Variants in UTRN observed in about 807,000 individuals in gnomAD.
UTRN encodes dystrophin-related protein 1.
A neutral mutation model predicts 463.9 loss-of-function variants in UTRN; 283 were observed. That is an observed-to-expected ratio of 0.61 (90% CI 0.55 to 0.67). The LOEUF is 0.67. Among genes scored for constraint, UTRN ranks in the 30% least tolerant of loss-of-function variants. UTRN has a pLI of 0.00. For synonymous variants in UTRN, 1,442 were observed against 1,431.5 expected, an observed-to-expected ratio of 1.01 and a Z score of -0.17; for missense variants, 3,922 against 4,084.3, an observed-to-expected ratio of 0.96 and a Z score of 1.08.
chr6:144,360,745 A>G (rs905940243), intron 2 of UTRN, among the ~76,000 whole-genome samples: 2 of 152,148 alleles, frequency 1.3e-5, no homozygotes, highest in African/African-American at 4.8e-5. Flanking sequence ...TGAGATGAAC[A>G]TTTTACACTG....
chr6:144,662,843 A>G (rs891449493), intron 51 of UTRN, among the ~76,000 whole-genome samples: 1 of 152,192 alleles, frequency 6.6e-6, no homozygotes, highest in Admixed American at 6.5e-5. Flanking sequence ...AGGTAAATTG[A>G]AAGGGATATT....
intron 48 of UTRN, among the ~76,000 whole-genome samples, chr6:144,553,734 A>C (rs948460520): frequency 6.6e-6 from 1 of 151,982 alleles, no homozygotes; most frequent in African/African-American, 2.4e-5. Context: ...AACATGGGGA[A>C]ACCCTCTCTC....
intron 66 of UTRN, among the ~76,000 whole-genome samples, chr6:144,826,161 A>AAAATAAATAAATAAATAAAT (rs372490067): frequency 1.4e-3 from 201 of 148,676 alleles, no homozygotes; most frequent in African/African-American, 3.5e-3. Context: ...AATAAAAGAA[A>AAAATAAATAAATAAATAAAT]AAATAAATAA....
intron 64 of UTRN, among the ~76,000 whole-genome samples, chr6:144,800,018 A>T (rs908619764): frequency 1.3e-5 from 2 of 152,218 alleles, no homozygotes; most frequent in Non-Finnish European, 2.9e-5. Context: ...CGGTAATGTG[A>T]AGCCATGGGA....
intron 58 of UTRN, among the ~76,000 whole-genome samples, chr6:144,771,008 A>G (rs1793943345): frequency 6.6e-6 from 1 of 152,214 alleles, no homozygotes; most frequent in African/African-American, 2.4e-5. Flanking sequence ...CTTTGGAAAT[A>G]TGACGAGACT....
At chr6:144,514,849 A>G in intron 37 of UTRN, 29 bp downstream of exon 37, 1 of 1,599,012 alleles carries the variant, frequency 6.3e-7, no homozygotes, top group Non-Finnish European at 8.5e-7. Context: ...AGAGTAAACC[A>G]TTTTTCCTAT....
intron 49 of UTRN, among the ~76,000 whole-genome samples, chr6:144,555,443 A>G (rs1585251705): frequency 6.6e-6 from 1 of 152,166 alleles, no homozygotes. Flanking sequence ...CATTTTATTT[A>G]TTTATTGGAG....
chr6:144,320,170 G>A (rs1338384279), intron 2 of UTRN, among the ~76,000 whole-genome samples: 1 of 152,174 alleles, frequency 6.6e-6, no homozygotes, highest in Non-Finnish European at 1.5e-5. Context: ...AATTTTTAAA[G>A]GTGTAAATTC....
intron 72 of UTRN, among the ~76,000 whole-genome samples, chr6:144,839,594 C>T (rs1056890563): frequency 6.6e-6 from 1 of 152,106 alleles, no homozygotes; most frequent in African/African-American, 2.4e-5. Flanking sequence ...TTTTAGTACA[C>T]TTTCTGTCTC....
Position 144,361,776 on chromosome 6 carries a change from T to C in UTRN, c.80-41347T>C, listed in dbSNP as rs559010516. ...GCTAATTTTCTTTCTTTCTTTCTTT[T>C]TTTTTTTTTTGTAGAGATGGGGTCT... On this transcript the variant is annotated intron_variant, in intron 2 of 74. Transcript: ENST00000367545. 2.1e-3 allele frequency among the ~76,000 whole-genome samples: 321 copies of C among 150,084 alleles called. 3 individuals carry two copies. The highest frequency in any genetic ancestry group is 5.4e-3 in the African/African-American group (219 of 40,690).
intron 2 of UTRN, among the ~76,000 whole-genome samples, chr6:144,390,234 C>T (rs955708683): frequency 4.6e-5 from 7 of 152,294 alleles, no homozygotes; most frequent in South Asian, 2.1e-4. Context: ...CACCTCACCA[C>T]GTCCCAGCAG....
chr6:144,453,371 C>G (rs920499804), intron 18 of UTRN, among the ~76,000 whole-genome samples: 6 of 152,186 alleles, frequency 3.9e-5, no homozygotes, highest in Admixed American at 6.5e-5. Context: ...GATCCACCCC[C>G]CTCAGCCTTC....
rs1028619677 is a variant in UTRN, at chr6:144,738,086, G to A, written c.7939+7600G>A. ...TAGATGCAAGAACAGAGCCCTATGCGTCTATGACAATGACTTCCTTAACCT... is the reference window on the plus strand; with the variant it reads ...TAGATGCAAGAACAGAGCCCTATGCATCTATGACAATGACTTCCTTAACCT... On this transcript the variant is annotated intron_variant, in intron 54 of 74. Coordinates refer to ENST00000367545, the MANE Select transcript of UTRN (RefSeq NM_007124.3). Among the ~76,000 whole-genome samples, 9 of 152,144 alleles carry A rather than the reference G, an allele frequency of 5.9e-5. 1 individual carries two copies. The highest frequency in any genetic ancestry group is 1.0e-4 in the Non-Finnish European group (7 of 68,030).
chr6:144,469,462 C>G (rs1236757841), intron 23 of UTRN, among the ~76,000 whole-genome samples: 1 of 152,160 alleles, frequency 6.6e-6, no homozygotes, highest in Non-Finnish European at 1.5e-5. Flanking sequence ...GTTATTAAGG[C>G]TCAAAGAAAA....
intron 53 of UTRN, among the ~76,000 whole-genome samples, chr6:144,728,751 A>G (rs1297216613): frequency 6.6e-6 from 1 of 152,166 alleles, no homozygotes; most frequent in South Asian, 2.1e-4. Context: ...TTACATCACT[A>G]TATCTTAATT....
intron 71 of UTRN, among the ~76,000 whole-genome samples, chr6:144,838,567 C>T (rs1781296470): frequency 6.6e-6 from 1 of 152,178 alleles, no homozygotes; most frequent in Admixed American, 6.5e-5. Context: ...GAAGTATTTA[C>T]TAAGTGTCAG....
At chr6:144,704,591 TAA>T in intron 53 of UTRN, among the ~76,000 whole-genome samples, 1 of 152,122 alleles carries the variant, frequency 6.6e-6, no homozygotes, top group Non-Finnish European at 1.5e-5. Context: ...CATGTATTAA[TAA>T]GTAAGTTAGT....
intron 2 of UTRN, among the ~76,000 whole-genome samples, chr6:144,323,341 A>T (rs901917983): frequency 3.3e-5 from 5 of 152,310 alleles, no homozygotes; most frequent in African/African-American, 1.2e-4. Context: ...AACATCATTC[A>T]TCTCCATCCC....
chr6:144,833,362 G>C (rs1780831612), intron 69 of UTRN, among the ~76,000 whole-genome samples: 1 of 152,144 alleles, frequency 6.6e-6, no homozygotes. Context: ...TGGAAAATAG[G>C]AAGCTAAACC....
Sources: allele counts gnomAD v4.1 joint callset (sites outside exome capture counted in the v4.1 genomes callset), GRCh38; gene constraint gnomAD v4.1.1; transcripts MANE v1.5; gene names NCBI Gene and HGNC (gene_info 2026-07-23, HGNC 2026-07-21).